The following CD101 variants were observed in gnomAD, a reference collection of about 807,000 sequenced individuals.
CD101 encodes the protein immunoglobulin superfamily member 2.
In CD101, 76 loss-of-function variants were observed where a neutral mutation model predicts 98.2. That is an observed-to-expected ratio of 0.77 (90% CI 0.64 to 0.94). The LOEUF (loss-of-function observed/expected upper bound fraction) is 0.94. Ranked by LOEUF, CD101 falls within the 40% of genes least tolerant of loss-of-function variation. The probability of loss-of-function intolerance (pLI) is 0.00; values close to 1 mark genes in which losing one functional copy is unlikely to be tolerated. For missense variants in CD101, 1,145 were observed against 1,218.8 expected, an observed-to-expected ratio of 0.94 and a Z score of 0.90; for synonymous variants, 471 against 472.7, an observed-to-expected ratio of 1.00 and a Z score of 0.05.
intron 3 of CD101, 130 bp from the exon 4 acceptor site, chr1:117,013,276 G>A (rs2764849): frequency 1 from 1,095,422 of 1,097,116 alleles, 546,886 homozygotes; most frequent in East Asian, 1. Context: ...TTTACCTACC[G>A]CTATAGAATT....
At chr1:117,007,430 C>T (rs993026255) in intron 1 of CD101, among the ~76,000 whole-genome samples, 8 of 152,100 alleles carry the variant, frequency 5.3e-5, no homozygotes, top group African/African-American at 4.8e-5. Flanking sequence ...TCACTGCAAC[C>T]TCTGCCTCCT....
chr1:117,030,549 C>T (rs762089313), intron 8 of CD101, among the ~76,000 whole-genome samples: 1 of 152,164 alleles, frequency 6.6e-6, no homozygotes, highest in Non-Finnish European at 1.5e-5. Context: ...AGCTGTGTGT[C>T]TTTACCACAC....
chr1:117,011,909 T>C lies in CD101; in HGVS notation c.784T>C (p.Trp262Arg). 2 of 1,614,134 alleles carry C rather than the reference T, an allele frequency of 1.2e-6. No homozygotes were observed. The highest frequency in any genetic ancestry group is 1.7e-6 in the Non-Finnish European group (2 of 1,180,006). ...TEWIQDPDET[W>R]MFITKKQTDQ... ...ATGGATTCAGGATCCAGATGAAACT[T>C]GGATGTTCATCACCAAAAAGCAGAC... The change falls in exon 3 of 10, where the codon TGG (tryptophan) becomes CGG (arginine). Residue 262 changes from tryptophan (W) to arginine (R), a missense_variant. By Grantham distance (101) the Trp-to-Arg change is moderately radical. Coordinates refer to ENST00000682167, the MANE Select transcript of CD101 (RefSeq NM_001256106.3).
Position 117,013,787 on chromosome 1 carries a change from C to G in CD101, c.1223C>G (p.Pro408Arg), listed in dbSNP as rs1327457792. 6.2e-7 allele frequency: 1 copy of G among 1,609,312 alleles called. No individual in the cohort carries two copies. Among genetic ancestry groups the G allele is most frequent in the South Asian group, 1.1e-5 (1 of 90,558 alleles). ...SPDSHVHLRKPAARSVVMSTK... is the reference protein window; with the variant it reads ...SPDSHVHLRKRAARSVVMSTK... ...GACAGCCACGTGCACCTGAGGAAGC[C>G]AGCAGGTACGTAAAGTCAAGGCCAG... Residue 408 changes from proline to arginine, a missense_variant, in exon 4 of 10, where the codon CCA (proline) becomes CGA (arginine). Physicochemically the swap from Pro to Arg is moderately radical, Grantham distance 103 (BLOSUM62 -2). Coordinates refer to ENST00000682167, the MANE Select transcript of CD101 (RefSeq NM_001256106.3).
At chr1:117,015,110 G>A (rs181686430) in intron 4 of CD101, among the ~76,000 whole-genome samples, 1 of 151,652 alleles carries the variant, frequency 6.6e-6, no homozygotes, top group African/African-American at 2.4e-5. Context: ...CTTTGTATAG[G>A]CTGGAGTCTA....
Position 117,018,268 on chromosome 1 carries a change from C to T in CD101, c.1725C>T (p.Leu575=). Residue 575 remains leucine, a synonymous_variant, in exon 6 of 10, where the codon CTC becomes CTT. Coordinates refer to ENST00000682167, the MANE Select transcript of CD101 (RefSeq NM_001256106.3). The surrounding 1 kb of genome is among the most constrained non-coding windows in gnomAD (Gnocchi z 4.3). The part of the protein sequence containing the change: ...RAGYSDLKVP[L]TVTWQFQPAS... ...GTTACTCTGACCTCAAGGTGCCACTCACTGTGACGTGGCAGTTCCAGCCAG... is the reference window on the plus strand; with the variant it reads ...GTTACTCTGACCTCAAGGTGCCACTTACTGTGACGTGGCAGTTCCAGCCAG... 1 of 1,614,202 alleles carries T rather than the reference C, an allele frequency of 6.2e-7. No individual in the cohort carries two copies. The highest frequency in any genetic ancestry group is 8.5e-7 in the Non-Finnish European group (1 of 1,180,026).
intron 8 of CD101, among the ~76,000 whole-genome samples, chr1:117,029,213 A>AAAAGAAAGAAAGAAAG (rs61165020): frequency 1.4e-5 from 1 of 71,758 alleles, no homozygotes; most frequent in African/African-American, 5.4e-5. Flanking sequence ...GAAAAGAAAG[A>AAAAGAAAGAAAGAAAG]AAAGAAAGAA....
At chr1:117,016,117 A>G (rs1225883164) in intron 4 of CD101, among the ~76,000 whole-genome samples, 1 of 151,166 alleles carries the variant, frequency 6.6e-6, no homozygotes, top group Non-Finnish European at 1.5e-5. Flanking sequence ...GTTTACAACA[A>G]CGTGTGTTGT....
Position 117,011,669 on chromosome 1 carries a change from G to A in CD101, c.544G>A (p.Val182Ile), listed in dbSNP as rs759775443. 20 of 1,614,166 alleles carry A rather than the reference G, an allele frequency of 1.2e-5. No individual in the cohort carries two copies. The highest frequency in any genetic ancestry group is 1.6e-5 in the Non-Finnish European group (19 of 1,180,020). The change falls in exon 3 of 10, where the codon GTC (valine) becomes ATC (isoleucine). Residue 182 changes from valine to isoleucine, a missense_variant. Coordinates refer to ENST00000682167, the MANE Select transcript of CD101 (RefSeq NM_001256106.3). ...KATAQHTHLS[V>I]TWYLTQDGGG... ...CACAGCCCAACATACTCACCTCTCTGTCACCTGGTACCTAACACAGGATGG... is the reference window on the plus strand; with the variant it reads ...CACAGCCCAACATACTCACCTCTCTATCACCTGGTACCTAACACAGGATGG...
Position 117,009,768 on chromosome 1 carries a change from T to C in CD101, c.44-82T>C, listed in dbSNP as rs1652763987. ...GCGATCTCATTTACCAGAATTGTAA[T>C]ACAGGGAAATACATAACGTGGTACA... On this transcript the variant is annotated intron_variant, in intron 1 of 9. Coordinates refer to ENST00000682167, the MANE Select transcript of CD101 (RefSeq NM_001256106.3). 2.8e-6 allele frequency: 4 copies of C among 1,409,810 alleles called. No individual in the cohort carries two copies. In the East Asian group the frequency reaches 9.2e-5, roughly 33 times the overall value. The allele number at this position is 1,409,810 out of a possible 1,614,324, so 87.3% of individuals were successfully genotyped here. A position where few individuals can be genotyped will look rare whatever the true frequency, so the allele number is the denominator to read the frequency against.
At chr1:117,009,693 T>C (rs1021033856) in intron 1 of CD101, among the ~76,000 whole-genome samples, 157 bp from the exon 2 acceptor site, 1 of 152,254 alleles carries the variant, frequency 6.6e-6, no homozygotes, top group Non-Finnish European at 1.5e-5. Context: ...CCACTGCTGC[T>C]CAGCCTGAAG....
intron 1 of CD101, among the ~76,000 whole-genome samples, chr1:117,007,656 C>G (rs1199035268): frequency 6.6e-6 from 1 of 152,054 alleles, no homozygotes; most frequent in Non-Finnish European, 1.5e-5. Flanking sequence ...TCATTTCCTG[C>G]CTTTTTGCTA....
chr1:117,018,352 G>A lies in CD101; in HGVS notation c.1809G>A (p.Trp603Ter). The change falls in exon 6 of 10, where the codon TGG (tryptophan) becomes TGA (stop). Residue 603 changes from tryptophan (W) to a stop codon, truncating the protein, a stop_gained. Transcript: ENST00000682167. LOFTEE classifies it high-confidence loss of function. This position sits in a 1 kb window ranked among gnomAD's most constrained non-coding sequence, Gnocchi z 4.3. ...TCACCCACAATGGCACTATTGAATG[G>A]GGGAATTTCCTATCCCGGTTCCAAA... Reference protein sequence around the residue: ...IRITHNGTIEWGNFLSRFQKK... With the variant: ...IRITHNGTIE 3 of 1,614,094 alleles carry A rather than the reference G, an allele frequency of 1.9e-6. No homozygotes were observed. The highest frequency in any genetic ancestry group is 1.7e-6 in the Non-Finnish European group (2 of 1,180,030).
In CD101 at chr1:117,030,731, A is replaced by G. The variant is rs1654407918; in HGVS notation, c.2825-3129A>G. ...CTTATTCTGGGATGCACTTGTTATC[A>G]GGTTACCTTACCCTACTTTTATTTC... On this transcript the variant is annotated intron_variant, in intron 8 of 9. Coordinates refer to ENST00000682167, the MANE Select transcript of CD101 (RefSeq NM_001256106.3). Among the ~76,000 whole-genome samples the G allele has an allele frequency of 1.3e-5, 2 of 152,368 alleles. 1 individual carries two copies. Among genetic ancestry groups the G allele is most frequent in the Non-Finnish European group, 2.9e-5 (2 of 68,040 alleles).
Position 117,011,852 on chromosome 1 carries a change from G to C in CD101, c.727G>C (p.Asp243His), listed in dbSNP as rs146752093. 6.8e-6 allele frequency: 11 copies of C among 1,614,054 alleles called. No homozygotes were observed. In the African/African-American group the frequency reaches 1.5e-4, roughly 22 times the overall value. The change falls in exon 3 of 10, where the codon GAT becomes CAT. Residue 243 changes from aspartate (D) to histidine (H), a missense_variant. Coordinates refer to ENST00000682167, the MANE Select transcript of CD101 (RefSeq NM_001256106.3). Reference sequence around the variant, plus strand: ...GTCCATAGAGAGGCTCCAGTCCTCAGATCAGGGTCAGCTGTTCTGTGAGGC... The same window carrying C: ...GTCCATAGAGAGGCTCCAGTCCTCACATCAGGGTCAGCTGTTCTGTGAGGC... ...RLSIERLQSSDQGQLFCEATE... is the reference protein window; with the variant it reads ...RLSIERLQSSHQGQLFCEATE...
chr1:117,033,994 C>G lies in CD101; in HGVS notation c.2959C>G (p.Leu987Val), dbSNP rs751057919. The change falls in exon 9 of 10, where the codon CTG becomes GTG. Residue 987 changes from leucine to valine, a missense_variant. Transcript: ENST00000682167. This position sits in a 1 kb window ranked among gnomAD's most constrained non-coding sequence, Gnocchi z 4.8. ...LYWKARKLSTLRSNTRKEKAL... is the reference protein window; with the variant it reads ...LYWKARKLSTVRSNTRKEKAL... Reference sequence around the variant, plus strand: ...CTGGAAGGCCAGGAAGTTGTCAACACTGCGTTCCAACACACGGAAAGAAAA... The same window carrying G: ...CTGGAAGGCCAGGAAGTTGTCAACAGTGCGTTCCAACACACGGAAAGAAAA... 1 of 1,614,198 alleles carries G rather than the reference C, an allele frequency of 6.2e-7. No individual in the cohort carries two copies. Among genetic ancestry groups the G allele is most frequent in the Non-Finnish European group, 8.5e-7 (1 of 1,180,050 alleles).
chr1:117,016,242 C>T (rs573125985), intron 4 of CD101, among the ~76,000 whole-genome samples: 6 of 148,140 alleles, frequency 4.1e-5, no homozygotes, highest in Non-Finnish European at 7.4e-5. Context: ...TATATATACA[C>T]GTATTTTCCC....
Position 117,020,591 on chromosome 1 carries a change from A to T in CD101, c.2018-982A>T, listed in dbSNP as rs549676949. ...ATCTCACACTTGAGAAAGGTTTCTCAAGAGTTATTTCAGCTGCACATTCTA... is the reference window on the plus strand; with the variant it reads ...ATCTCACACTTGAGAAAGGTTTCTCTAGAGTTATTTCAGCTGCACATTCTA... On this transcript the variant is annotated intron_variant, in intron 6 of 9. Transcript: ENST00000682167. 2.4e-4 allele frequency among the ~76,000 whole-genome samples: 36 copies of T among 152,328 alleles called. 1 individual carries two copies. In the South Asian group the frequency reaches 7.2e-3, roughly 31 times the overall value.
chr1:117,017,683 T>A (rs1653323778), intron 5 of CD101, among the ~76,000 whole-genome samples: 1 of 152,232 alleles, frequency 6.6e-6, no homozygotes, highest in African/African-American at 2.4e-5. Flanking sequence ...TTGTAAATTG[T>A]TGTTCAAGGT....
Sources: allele counts gnomAD v4.1 joint callset (sites outside exome capture counted in the v4.1 genomes callset), GRCh38; gene constraint gnomAD v4.1.1; non-coding constraint Gnocchi (gnomAD v3.1); transcripts MANE v1.5; gene names NCBI Gene and HGNC (gene_info 2026-07-23, HGNC 2026-07-21).